Variants in CATSPERE observed in about 807,000 individuals in gnomAD.
CATSPERE encodes cation channel sperm-associated auxiliary subunit epsilon.
CATSPERE carries 93 observed loss-of-function variants against 114.1 expected under a neutral mutation model. That is an observed-to-expected ratio of 0.81 (90% CI 0.69 to 0.97). The LOEUF (loss-of-function observed/expected upper bound fraction) is 0.97, where lower values mean the gene tolerates loss of function less well. CATSPERE is among the 50% of genes least tolerant of loss of function. The pLI is 0.00. For synonymous variants in CATSPERE, 341 were observed against 384.1 expected, an observed-to-expected ratio of 0.89 and a Z score of 1.31; for missense variants, 1,058 against 1,131.6, an observed-to-expected ratio of 0.93 and a Z score of 0.93.
At chr1:244,464,264 T>TGC (rs1667247283) in intron 2 of CATSPERE, among the ~76,000 whole-genome samples, 1 of 152,238 alleles carries the variant, frequency 6.6e-6, no homozygotes, top group Non-Finnish European at 1.5e-5. Flanking sequence ...TATTAATAAT[T>TGC]ATACAACAGG....
chr1:244,522,828 T>A (rs1424674899), intron 8 of CATSPERE, among the ~76,000 whole-genome samples: 2 of 152,078 alleles, frequency 1.3e-5, no homozygotes, highest in African/African-American at 4.8e-5. Context: ...GGAGCTGAAA[T>A]TGTGGCAATA....
At chr1:244,503,160 G>A (rs938594099) in intron 7 of CATSPERE, among the ~76,000 whole-genome samples, 1 of 152,104 alleles carries the variant, frequency 6.6e-6, no homozygotes, top group Non-Finnish European at 1.5e-5. Context: ...GTTACAAGAG[G>A]TGTTGAATAA....
intron 11 of CATSPERE, among the ~76,000 whole-genome samples, chr1:244,578,557 C>G (rs1206615544): frequency 2.0e-5 from 3 of 151,724 alleles, no homozygotes; most frequent in African/African-American, 7.3e-5. Context: ...GTATTATATG[C>G]TGTATTCTTA....
At chr1:244,580,843 A>C (rs2148608847) in intron 11 of CATSPERE, among the ~76,000 whole-genome samples, 1 of 152,252 alleles carries the variant, frequency 6.6e-6, no homozygotes, top group African/African-American at 2.4e-5. Context: ...TCTACTAAAA[A>C]TACAAAAATT....
intron 10 of CATSPERE, among the ~76,000 whole-genome samples, chr1:244,566,168 CACTGTGGTCTGAG>C (rs1309169634): frequency 1.3e-5 from 2 of 152,184 alleles, no homozygotes; most frequent in Non-Finnish European, 2.9e-5. Flanking sequence ...AATTTGATTG[CACTGTGGTCTGAG>C]AGACTGTTTG....
At chr1:244,491,427 T>C (rs1333973282) in intron 6 of CATSPERE, among the ~76,000 whole-genome samples, 1 of 151,624 alleles carries the variant, frequency 6.6e-6, no homozygotes, top group Non-Finnish European at 1.5e-5. Context: ...CCAGAATCTC[T>C]GGGACACATT....
At chr1:244,485,587 C>A (rs184313685) in intron 5 of CATSPERE, among the ~76,000 whole-genome samples, 15 of 151,724 alleles carry the variant, frequency 9.9e-5, no homozygotes, top group African/African-American at 3.4e-4. Flanking sequence ...CTCTTAAAAT[C>A]TTGTTAACTT....
At position 244,481,383 on chromosome 1, in the gene CATSPERE, G is replaced by A. The variant is rs575554623; in HGVS notation, c.326+1599G>A. Among the ~76,000 whole-genome samples the A allele has an allele frequency of 3.5e-3, 532 of 152,230 alleles. 5 individuals carry two copies. The highest frequency in any genetic ancestry group is 0.012 in the African/African-American group (486 of 41,526). ...GGAGAATCACTTGAACCTGGGAGGC[G>A]GAGGTTGCAGTGAGCTGAGATTGCA... On this transcript the variant is annotated intron_variant, in intron 5 of 21. Coordinates refer to ENST00000366534, the MANE Select transcript of CATSPERE (RefSeq NM_001130957.2).
At chr1:244,487,580 G>A (rs1209096465) in intron 5 of CATSPERE, among the ~76,000 whole-genome samples, 3 of 152,094 alleles carry the variant, frequency 2.0e-5, no homozygotes, top group African/African-American at 4.8e-5. Flanking sequence ...TGGGACAGCC[G>A]CTAACGTGCC....
chr1:244,541,845 A>T (rs1437265391), intron 8 of CATSPERE, among the ~76,000 whole-genome samples: 1 of 141,922 alleles, frequency 7.0e-6, no homozygotes, highest in Non-Finnish European at 1.5e-5. Flanking sequence ...TGATGAGTTC[A>T]TGTCCTTTGT....
intron 20 of CATSPERE, among the ~76,000 whole-genome samples, chr1:244,626,007 A>G (rs796325875): frequency 5.3e-4 from 81 of 152,208 alleles, no homozygotes; most frequent in African/African-American, 1.8e-3. Context: ...AAGCTTTGTT[A>G]TTCCACTTAT....
intron 6 of CATSPERE, among the ~76,000 whole-genome samples, chr1:244,496,728 G>T (rs1333063217): frequency 6.6e-6 from 1 of 152,122 alleles, no homozygotes; most frequent in Non-Finnish European, 1.5e-5. Context: ...AACTAGACAA[G>T]ATGTTTCCAG....
chr1:244,626,485 C>CAAAAAAA (rs35687880), intron 20 of CATSPERE, among the ~76,000 whole-genome samples: 1 of 66,848 alleles, frequency 1.5e-5, no homozygotes, highest in African/African-American at 5.5e-5. Context: ...AATTCCATCT[C>CAAAAAAA]AAAAAAAAAA....
intron 4 of CATSPERE, among the ~76,000 whole-genome samples, chr1:244,478,885 G>A (rs1029674279): frequency 4.6e-5 from 7 of 151,674 alleles, no homozygotes; most frequent in South Asian, 4.2e-4. Context: ...AAAAGTAGCC[G>A]GGTGTGGTGG....
chr1:244,522,431 A>G (rs1219432576), intron 8 of CATSPERE, among the ~76,000 whole-genome samples: 2 of 152,220 alleles, frequency 1.3e-5, no homozygotes, highest in Non-Finnish European at 2.9e-5. Flanking sequence ...AGAACTAGAA[A>G]AGCAAGAGCA....
Position 244,591,710 on chromosome 1 carries a change from A to AT in CATSPERE, c.2173dup (p.Ser725PhefsTer5), listed in dbSNP as rs961386464. On this transcript the variant is annotated frameshift_variant, in exon 15 of 22. Coordinates refer to ENST00000366534, the MANE Select transcript of CATSPERE (RefSeq NM_001130957.2). LOFTEE classifies it high-confidence loss of function. ...AGTAAAAAAGGATGTCATCACCATG[A>AT]TTTTTCATACGTGATTGAAAAGTAA... 16 of 1,519,082 alleles carry AT rather than the reference A, an allele frequency of 1.1e-5. No individual in the cohort carries two copies. Among genetic ancestry groups the AT allele is most frequent in the Admixed American group, 3.5e-5 (2 of 56,694 alleles). 94.1% of individuals were successfully genotyped at this position (1,519,082 alleles called of 1,614,324 possible).
At chr1:244,516,585 G>A (rs1303625470) in intron 7 of CATSPERE, among the ~76,000 whole-genome samples, 1 of 151,640 alleles carries the variant, frequency 6.6e-6, no homozygotes, top group Non-Finnish European at 1.5e-5. Flanking sequence ...GCAGTGGCAC[G>A]ATATCAACTC....
intron 18 of CATSPERE, among the ~76,000 whole-genome samples, chr1:244,608,062 G>A (rs888849577): frequency 2.0e-5 from 3 of 151,852 alleles, no homozygotes; most frequent in East Asian, 3.9e-4. Context: ...AGCTGAGATC[G>A]CGCCACTGCC....
At chr1:244,455,704 T>G (rs1666086484) in intron 1 of CATSPERE, among the ~76,000 whole-genome samples, 1 of 152,168 alleles carries the variant, frequency 6.6e-6, no homozygotes, top group African/African-American at 2.4e-5. Flanking sequence ...TTTTTTGTTT[T>G]GCCTATCTTA....
Sources: gnomAD v4.1 joint callset for allele counts (sites outside exome capture counted in the v4.1 genomes callset) on GRCh38, gnomAD v4.1.1 for gene constraint, MANE v1.5 for transcripts, NCBI Gene and HGNC (gene_info 2026-07-23, HGNC 2026-07-21) for gene names.